Variants in GUCY2F observed in about 807,000 individuals in gnomAD.
GUCY2F encodes guanylate cyclase 2F, retinal, also known as retinal guanylyl cyclase 2.
GUCY2F carries 61 observed loss-of-function variants against 73.1 expected under a neutral mutation model. That is an observed-to-expected ratio of 0.83 (90% CI 0.68 to 1.03). The LOEUF (loss-of-function observed/expected upper bound fraction) is 1.03. Ranked by LOEUF, GUCY2F falls within the 50% of genes least tolerant of loss-of-function variation. GUCY2F has a pLI of 0.00. For missense variants in GUCY2F, 912 were observed against 854.3 expected, an observed-to-expected ratio of 1.07 and a Z score of -0.84; for synonymous variants, 331 against 307.8, an observed-to-expected ratio of 1.08 and a Z score of -0.79.
At chrX:109,457,520 C>A (rs752976971) in intron 3 of GUCY2F, among the ~76,000 whole-genome samples, 1 of 112,023 alleles carries the variant, frequency 8.9e-6, no homozygotes, top group Non-Finnish European at 1.9e-5. Flanking sequence ...ATGATCTCAA[C>A]CCTTGGGCAT....
rs199861882 is a variant in GUCY2F at position 109,441,403 on chromosome X, G to A, written c.1649C>T (p.Ser550Leu). The A allele has an allele frequency of 2.6e-6, 3 of 1,155,625 alleles. No homozygotes were observed. Among genetic ancestry groups the A allele is most frequent in the Admixed American group, 2.3e-5 (1 of 43,853 alleles). The change falls in exon 7 of 20, where the codon TCA becomes TTA. Residue 550 changes from serine (S) to leucine (L), a missense_variant. Transcript: ENST00000218006. Reference protein sequence around the residue: ...SGRSPRLSFSSGSLTPATYEN... With the variant: ...SGRSPRLSFSLGSLTPATYEN... ...ATAGGTAGCTGGAGTTAGACTCCCTGAAGAAAAGGAGAGTCTTGGGGACCT... is the reference window on the plus strand; with the variant it reads ...ATAGGTAGCTGGAGTTAGACTCCCTAAAGAAAAGGAGAGTCTTGGGGACCT...
intron 13 of GUCY2F, among the ~76,000 whole-genome samples, chrX:109,392,346 C>T (rs1569356617): frequency 8.9e-6 from 1 of 111,851 alleles, no homozygotes; most frequent in African/African-American, 3.3e-5. Context: ...CTGGTCTGTG[C>T]CTTCATGTGG....
At chrX:109,446,491 C>G (rs1207451616) in intron 6 of GUCY2F, among the ~76,000 whole-genome samples, 3 of 110,675 alleles carry the variant, frequency 2.7e-5, no homozygotes, top group Non-Finnish European at 5.6e-5. Flanking sequence ...ACCATCTGAT[C>G]TTTGACAAAC....
Position 109,475,918 on chromosome X carries a change from GC to G in GUCY2F, c.18del (p.Arg7AlafsTer49). On this transcript the variant is annotated frameshift_variant, in exon 2 of 20. Coordinates refer to ENST00000218006, the MANE Select transcript of GUCY2F (RefSeq NM_001522.3). LOFTEE classifies it high-confidence loss of function. The part of the protein sequence containing the change: MFLGL[G>X]RFSRLVLWFA... ...AACCAGAGAACAAGGCGAGAAAAGC[GC>G]CCGAGTCCCAGGAACATAGCCCTCC... 3.3e-6 allele frequency: 4 copies of G among 1,204,816 alleles called. No individual in the cohort carries two copies. The highest frequency in any genetic ancestry group is 4.5e-6 in the Non-Finnish European group (4 of 892,433).
At chrX:109,447,991 C>T (rs1340565257) in intron 6 of GUCY2F, 78 bp downstream of exon 6, 21 of 530,164 alleles carry the variant, frequency 4.0e-5, no homozygotes, top group South Asian at 9.7e-5. Flanking sequence ...ACTAGCCACA[C>T]GTCAAGTGCT....
At chrX:109,386,012 C>T (rs778583018) in intron 15 of GUCY2F, among the ~76,000 whole-genome samples, 30 of 110,871 alleles carry the variant, frequency 2.7e-4, no homozygotes, top group African/African-American at 8.5e-4. Flanking sequence ...ATATTTCCCA[C>T]GCTGGTATCG....
In GUCY2F at chrX:109,441,500, A is replaced by C. The variant is rs763087774; in HGVS notation, c.1570-18T>G. On this transcript the variant is annotated intron_variant, in intron 6 of 19. Coordinates refer to ENST00000218006, the MANE Select transcript of GUCY2F (RefSeq NM_001522.3). ...CTTCCTCTCTGTGAAAGGATTAGGAAAGAAAAGTTATGACCAAAATACTCA... is the reference window on the plus strand; with the variant it reads ...CTTCCTCTCTGTGAAAGGATTAGGACAGAAAAGTTATGACCAAAATACTCA... The C allele has an allele frequency of 4.7e-5, 53 of 1,124,647 alleles. No homozygotes were observed. In the Middle Eastern group the frequency reaches 5.9e-3, roughly 125 times the overall value. The allele number at this position is 1,124,647 out of a possible 1,213,427, so 92.7% of individuals were successfully genotyped here. A position where few individuals can be genotyped will look rare whatever the true frequency, so the allele number is the denominator to read the frequency against.
At chrX:109,476,092 G>C in intron 1 of GUCY2F, 71 bp from the exon 2 acceptor site, 2 of 292,838 alleles carry the variant, frequency 6.8e-6, no homozygotes, top group Non-Finnish European at 1.0e-5. Flanking sequence ...GGTTGTGAAA[G>C]AATGGCAAAA....
At position 109,385,164 on chromosome X, in the gene GUCY2F, T is replaced by G. The variant is rs937612362; in HGVS notation, c.3055+20A>C. Reference sequence around the variant, plus strand: ...TAGCAGAGTGGTGCCATCCTATCCATCTCTCTATTAGGTACTCACGTAAGC... The same window carrying G: ...TAGCAGAGTGGTGCCATCCTATCCAGCTCTCTATTAGGTACTCACGTAAGC... On this transcript the variant is annotated intron_variant, in intron 16 of 19. Transcript: ENST00000218006. 1 of 880,962 alleles carries G rather than the reference T, an allele frequency of 1.1e-6. No individual in the cohort carries two copies. The highest frequency in any genetic ancestry group is 1.7e-6 in the Non-Finnish European group (1 of 603,798). 72.6% of individuals were successfully genotyped at this position (880,962 alleles called of 1,213,427 possible). A position where few individuals can be genotyped will look rare whatever the true frequency, so the allele number is the denominator to read the frequency against.
chrX:109,437,544 G>T (rs1931780022), intron 7 of GUCY2F, among the ~76,000 whole-genome samples: 1 of 112,616 alleles, frequency 8.9e-6, no homozygotes, highest in Admixed American at 9.4e-5. Context: ...ATCAGAGAAT[G>T]ATAGCATATT....
chrX:109,436,662 G>A (rs1022565802), intron 7 of GUCY2F, among the ~76,000 whole-genome samples: 25 of 110,696 alleles, frequency 2.3e-4, no homozygotes, highest in East Asian at 1.7e-3. Context: ...GGAAATCATC[G>A]TTCTCAGTAA....
intron 6 of GUCY2F, among the ~76,000 whole-genome samples, chrX:109,443,514 A>G (rs1931923268): frequency 9.0e-6 from 1 of 111,232 alleles, no homozygotes; most frequent in Middle Eastern, 4.6e-3. Flanking sequence ...TTAAAGCCCT[A>G]GGTACTTTGT....
chrX:109,459,709 G>C (rs1932326582), intron 3 of GUCY2F, among the ~76,000 whole-genome samples: 1 of 111,823 alleles, frequency 8.9e-6, no homozygotes, highest in Non-Finnish European at 1.9e-5. Flanking sequence ...AAAAAGACTA[G>C]CTCAAGAGCC....
intron 8 of GUCY2F, among the ~76,000 whole-genome samples, chrX:109,409,569 G>A (rs1048688521): frequency 9.0e-6 from 1 of 110,902 alleles, no homozygotes; most frequent in Admixed American, 9.5e-5. Flanking sequence ...AAGAAAGCGG[G>A]GACCTCAATT....
intron 7 of GUCY2F, among the ~76,000 whole-genome samples, chrX:109,437,911 T>C (rs1931788854): frequency 8.9e-6 from 1 of 112,583 alleles, no homozygotes; most frequent in Admixed American, 9.4e-5. Flanking sequence ...AGAGTAGAGC[T>C]GACAATTCCC....
intron 8 of GUCY2F, among the ~76,000 whole-genome samples, chrX:109,410,751 T>C (rs963231047): frequency 1.8e-5 from 2 of 111,901 alleles, no homozygotes; most frequent in Non-Finnish European, 3.8e-5. Context: ...CACCCTAGGG[T>C]AGTCAGAGAA....
At chrX:109,400,807 C>T (rs777769154) in intron 10 of GUCY2F, among the ~76,000 whole-genome samples, 22 of 111,985 alleles carry the variant, frequency 2.0e-4, no homozygotes, top group Non-Finnish European at 3.6e-4. Context: ...ACAAATCAAA[C>T]GGAAAACAAT....
chrX:109,430,318 C>T lies in GUCY2F; in HGVS notation c.1780G>A (p.Val594Met). 1 of 1,056,270 alleles carries T rather than the reference C, an allele frequency of 9.5e-7. No homozygotes were observed. Among genetic ancestry groups the T allele is most frequent in the Non-Finnish European group, 1.3e-6 (1 of 754,022 alleles). The allele number at this position is 1,056,270 out of a possible 1,213,427, so 87.0% of individuals were successfully genotyped here. A position where few individuals can be genotyped will look rare whatever the true frequency, so the allele number is the denominator to read the frequency against. ...LKSIKSRASD[V>M]FEMMKDLRHE... Reference sequence around the variant, plus strand: ...AAGATTTCTCATACCATTTCGAACACATCACTTGCTCTTGATTTGATGGAC... The same window carrying T: ...AAGATTTCTCATACCATTTCGAACATATCACTTGCTCTTGATTTGATGGAC... The change falls in exon 8 of 20, where the codon GTG becomes ATG. Residue 594 changes from valine (V) to methionine (M), a missense_variant. Physicochemically the swap from Val to Met is conservative, Grantham distance 21. Coordinates refer to ENST00000218006, the MANE Select transcript of GUCY2F (RefSeq NM_001522.3).
chrX:109,392,645 A>G (rs1930594558), intron 13 of GUCY2F, among the ~76,000 whole-genome samples: 1 of 105,390 alleles, frequency 9.5e-6, no homozygotes. Context: ...CACAGAAAAA[A>G]CAAGCACAAA....
Sources: allele counts gnomAD v4.1 joint callset (sites outside exome capture counted in the v4.1 genomes callset), GRCh38; gene constraint gnomAD v4.1.1; transcripts MANE v1.5; gene names NCBI Gene and HGNC (gene_info 2026-07-23, HGNC 2026-07-21).